TAOK1: variants seen among roughly 807,000 people sequenced by gnomAD.
TAOK1 encodes TAO kinase 1, also known as serine/threonine-protein kinase TAO1.
Under a neutral mutation model 138.3 loss-of-function variants are expected in TAOK1, and 21 were observed. The observed-to-expected ratio is 0.15, with a 90% CI of 0.11 to 0.22. TAOK1 has a LOEUF of 0.22. Ranked by LOEUF, TAOK1 falls within the 10% of genes least tolerant of loss-of-function variation. TAOK1 has a pLI of 1.00. For missense variants in TAOK1, 651 were observed against 1,227.7 expected, an observed-to-expected ratio of 0.53 and a Z score of 7.02; for synonymous variants, 361 against 398.4, an observed-to-expected ratio of 0.91 and a Z score of 1.12.
intron 4 of TAOK1, among the ~76,000 whole-genome samples, chr17:29,477,032 A>G (rs977342731): frequency 1.3e-5 from 2 of 152,074 alleles, no homozygotes; most frequent in African/African-American, 4.8e-5. Context: ...TTTTTAGTAT[A>G]AATGGGGTTT....
chr17:29,534,223 G>T lies in TAOK1; in HGVS notation c.2467G>T (p.Ala823Ser), dbSNP rs771446745. The T allele has an allele frequency of 8.1e-6, 13 of 1,613,518 alleles. No individual in the cohort carries two copies. Among genetic ancestry groups the T allele is most frequent in the African/African-American group, 4.0e-5 (3 of 74,920 alleles). The change falls in exon 19 of 20, where the codon GCT becomes TCT. Residue 823 changes from alanine (A) to serine (S), a missense_variant. Ala to Ser is a moderately conservative substitution (Grantham distance 99, BLOSUM62 1). This residue lies in a region of TAOK1 where 258 missense variants were observed against 548.9 expected (regional missense o/e 0.47). Coordinates refer to ENST00000261716, the MANE Select transcript of TAOK1 (RefSeq NM_020791.4). Reference protein sequence around the residue: ...NAYQSKIKMQAEAQHDRELRE... With the variant: ...NAYQSKIKMQSEAQHDRELRE... The stretch of plus-strand genomic sequence containing the variant: ...GTATCAGAGCAAAATCAAGATGCAA[G>T]CTGAGGCACAACATGATCGAGAGCT...
chr17:29,417,053 G>A (rs748022971), intron 1 of TAOK1, among the ~76,000 whole-genome samples: 33 of 151,786 alleles, frequency 2.2e-4, no homozygotes, highest in Non-Finnish European at 4.7e-4. Context: ...TCACTCTGTC[G>A]TCCAGGCGGG....
At chr17:29,467,486 A>T (rs2030699398) in intron 3 of TAOK1, among the ~76,000 whole-genome samples, 1 of 152,058 alleles carries the variant, frequency 6.6e-6, no homozygotes, top group South Asian at 2.1e-4. Flanking sequence ...GTTAGCCAGG[A>T]TGGTCTTGAT....
At chr17:29,471,443 A>G (rs1222317118) in intron 3 of TAOK1, among the ~76,000 whole-genome samples, 2 of 150,886 alleles carry the variant, frequency 1.3e-5, no homozygotes, top group African/African-American at 4.9e-5. Flanking sequence ...ACGCCTGGCT[A>G]ATTTTTTGTA....
At chr17:29,447,336 T>C (rs1451097841) in intron 1 of TAOK1, among the ~76,000 whole-genome samples, 1 of 152,060 alleles carries the variant, frequency 6.6e-6, no homozygotes, top group Non-Finnish European at 1.5e-5. Context: ...TTTTTAAAAG[T>C]TTATCTTATT....
At chr17:29,463,475 G>A (rs963275491) in intron 2 of TAOK1, among the ~76,000 whole-genome samples, 1 of 151,866 alleles carries the variant, frequency 6.6e-6, no homozygotes, top group African/African-American at 2.4e-5. Context: ...GGGGGCTGAG[G>A]CAAGAGAATC....
chr17:29,454,676 C>G (rs1202820275), intron 2 of TAOK1, among the ~76,000 whole-genome samples: 1 of 151,986 alleles, frequency 6.6e-6, no homozygotes, highest in African/African-American at 2.4e-5. Flanking sequence ...CTCCATGCAA[C>G]ATATTCTTAG....
At chr17:29,457,621 G>C (rs144658182) in intron 2 of TAOK1, among the ~76,000 whole-genome samples, 5,528 of 150,068 alleles carry the variant, frequency 0.037, 341 homozygotes, top group African/African-American at 0.13. Context: ...GGCCAGGCTG[G>C]TCTTGAACTC....
chr17:29,532,882 T>C (rs2032145042), intron 18 of TAOK1, among the ~76,000 whole-genome samples: 1 of 150,796 alleles, frequency 6.6e-6, no homozygotes. Flanking sequence ...GACGGGGTGG[T>C]GGCCGGGCAG....
intron 3 of TAOK1, among the ~76,000 whole-genome samples, chr17:29,474,692 A>C (rs2153026372): frequency 6.6e-6 from 1 of 152,290 alleles, no homozygotes; most frequent in Admixed American, 6.5e-5. Context: ...TACTGATCAC[A>C]GATCACCATA....
chr17:29,407,153 T>TGA (rs1905015957), intron 1 of TAOK1, among the ~76,000 whole-genome samples: 1 of 152,064 alleles, frequency 6.6e-6, no homozygotes, highest in South Asian at 2.1e-4. Flanking sequence ...GAACTAGGAC[T>TGA]GACTATAGGC....
chr17:29,487,022 G>T (rs2153027283), intron 8 of TAOK1, among the ~76,000 whole-genome samples: 1 of 152,250 alleles, frequency 6.6e-6, no homozygotes, highest in Middle Eastern at 3.4e-3. Flanking sequence ...GCCAAGGCGG[G>T]CAGATCACCT....
At chr17:29,450,657 G>A (rs778464412) in intron 1 of TAOK1, among the ~76,000 whole-genome samples, 16 of 152,068 alleles carry the variant, frequency 1.1e-4, no homozygotes, top group Non-Finnish European at 2.2e-4. Context: ...GACTATAAGT[G>A]CATGACACCA....
rs1275815620 is a variant in TAOK1, at chr17:29,547,806, A to C, written c.*4784A>C. 6.6e-6 allele frequency: 1 copy of C among 152,136 alleles called. No individual in the cohort carries two copies. The highest frequency in any genetic ancestry group is 1.5e-5 in the Non-Finnish European group (1 of 67,980). 9.4% of individuals were successfully genotyped at this position (152,136 alleles called of 1,614,324 possible). On this transcript the variant is annotated 3_prime_UTR_variant, in exon 20 of 20. Coordinates refer to ENST00000261716, the MANE Select transcript of TAOK1 (RefSeq NM_020791.4). ...TTTTAAAAGAGACTCACTCACTCTT[A>C]GTTTTTAAGAACTGGAAATTTCCCA...
chr17:29,504,328 A>G (rs995223168), intron 13 of TAOK1, among the ~76,000 whole-genome samples: 1 of 150,904 alleles, frequency 6.6e-6, no homozygotes, highest in Non-Finnish European at 1.5e-5. Flanking sequence ...GAAAGAAAGA[A>G]AAGAAGAGAG....
chr17:29,397,410 T>A (rs1227578495), intron 1 of TAOK1, among the ~76,000 whole-genome samples: 1 of 151,626 alleles, frequency 6.6e-6, no homozygotes, highest in Non-Finnish European at 1.5e-5. Flanking sequence ...GAGACCAGCC[T>A]GGCCAGCATG....
intron 1 of TAOK1, among the ~76,000 whole-genome samples, chr17:29,399,345 T>C (rs2046330899): frequency 6.6e-6 from 1 of 151,502 alleles, no homozygotes; most frequent in Non-Finnish European, 1.5e-5. Flanking sequence ...AGACGGAGTC[T>C]CGCTCTGTTG....
intron 1 of TAOK1, among the ~76,000 whole-genome samples, chr17:29,411,000 C>A (rs972469418): frequency 1.3e-5 from 2 of 151,868 alleles, no homozygotes; most frequent in Non-Finnish European, 2.9e-5. Flanking sequence ...CATTTCAGTT[C>A]CCCTTACATA....
At position 29,549,173 on chromosome 17, in the gene TAOK1, G is replaced by A. The variant is rs369310423; in HGVS notation, c.*6151G>A. ...TGCTGGCACATTGATCCCATTTCTG[G>A]AACATTTTTCCTATTTCCAGAGTTA... is the stretch of plus-strand genomic sequence containing the variant. On this transcript the variant is annotated 3_prime_UTR_variant, in exon 20 of 20. Coordinates refer to ENST00000261716, the MANE Select transcript of TAOK1 (RefSeq NM_020791.4). 6.6e-6 allele frequency: 1 copy of A among 152,090 alleles called. No homozygotes were observed. Among genetic ancestry groups the A allele is most frequent in the Non-Finnish European group, 1.5e-5 (1 of 68,010 alleles). The allele number at this position is 152,090 out of a possible 1,614,324, so 9.4% of individuals were successfully genotyped here.
Sources: gnomAD v4.1 joint callset for allele counts (sites outside exome capture counted in the v4.1 genomes callset) on GRCh38, gnomAD v4.1.1 for gene constraint, gnomAD v4.1.1 regional missense constraint, MANE v1.5 for transcripts, NCBI Gene and HGNC (gene_info 2026-07-23, HGNC 2026-07-21) for gene names.